The following HTR1E variants were observed in gnomAD, a reference collection of about 807,000 sequenced individuals.
The protein encoded by HTR1E is 5-HT-1E.
HTR1E carries 3 observed loss-of-function variants against 3.4 expected under a neutral mutation model. The observed-to-expected ratio is 0.89, with a 90% confidence interval of 0.41 to 2.31. The LOEUF (loss-of-function observed/expected upper bound fraction) is 2.31, where lower values mean the gene tolerates loss of function less well. Ranked by LOEUF, HTR1E falls within the 30% of genes most tolerant of loss-of-function variation. The probability of loss-of-function intolerance (pLI) is 0.05; values close to 1 mark genes in which losing one functional copy is unlikely to be tolerated. For synonymous variants in HTR1E, 170 were observed against 182.8 expected (o/e 0.93, Z 0.56); for missense variants, 392 against 467.0 (o/e 0.84, Z 1.48).
chr6:86,979,330 C>T (rs576048831), intron 1 of HTR1E, among the ~76,000 whole-genome samples: 1 of 152,220 alleles, frequency 6.6e-6, no homozygotes, highest in South Asian at 2.1e-4. Context: ...TGTGTATATA[C>T]TTTTCTGAAA....
intron 1 of HTR1E, among the ~76,000 whole-genome samples, chr6:86,955,329 C>T (rs777698422): frequency 6.6e-6 from 1 of 152,122 alleles, no homozygotes; most frequent in Admixed American, 6.5e-5. Context: ...TCAAATGAGA[C>T]GCCTGCATGC....
At position 86,943,427 on chromosome 6, in the gene HTR1E, CA is replaced by C. The variant is rs1442250040; in HGVS notation, c.-186+5605del. On this transcript the variant is annotated intron_variant, in intron 1 of 1. Coordinates refer to ENST00000305344, the MANE Select transcript of HTR1E (RefSeq NM_000865.3). ...AGGCCCAACTCTACGGACCTGGGGT[CA>C]GAAGGCCTGGGTTAATACCCCATTC... Among the ~76,000 whole-genome samples the C allele has an allele frequency of 4.6e-5, 7 of 152,182 alleles. No individual in the cohort carries two copies. The East Asian group carries it at 1.4e-3, about 29-fold the overall frequency.
chr6:86,959,794 G>C (rs1221864043), intron 1 of HTR1E, among the ~76,000 whole-genome samples: 2 of 152,086 alleles, frequency 1.3e-5, no homozygotes, highest in Admixed American at 1.3e-4. Context: ...AGTATCAGAA[G>C]ATCACTTCAT....
At chr6:87,006,735 T>G (rs1035671119) in intron 1 of HTR1E, among the ~76,000 whole-genome samples, 1 of 152,192 alleles carries the variant, frequency 6.6e-6, no homozygotes, top group Non-Finnish European at 1.5e-5. Flanking sequence ...TGGAATACTA[T>G]GCAGCCATAA....
At chr6:86,988,619 G>A (rs191634483) in intron 1 of HTR1E, among the ~76,000 whole-genome samples, 447 of 152,134 alleles carry the variant, frequency 2.9e-3, no homozygotes, top group Non-Finnish European at 4.2e-3. Context: ...ATTCCAAAGC[G>A]GAGTATTATC....
rs1339331777 is a variant in HTR1E at position 87,016,150 on chromosome 6, A to G, written c.816A>G (p.Leu272=). ...SIRIPPFDND[L]DHPGERQQIS... is the part of the protein sequence containing the mutation. ...GGATCCCCCCCTTCGACAATGATCT[A>G]GATCACCCAGGAGAACGTCAGCAGA... is the stretch of plus-strand genomic sequence containing the variant. The change falls in exon 2 of 2, where the codon CTA becomes CTG. Residue 272 remains leucine, a synonymous_variant. Transcript: ENST00000305344. 3 of 1,614,198 alleles carry G rather than the reference A, an allele frequency of 1.9e-6. 1 individual carries two copies. The highest frequency in any genetic ancestry group is 2.2e-5 in the South Asian group (2 of 91,080).
intron 1 of HTR1E, among the ~76,000 whole-genome samples, chr6:86,941,278 A>G (rs1768541317): frequency 6.6e-6 from 1 of 152,254 alleles, no homozygotes; most frequent in South Asian, 2.1e-4. Context: ...TCACTCAATC[A>G]ATTGGCATAT....
At chr6:86,998,557 G>A (rs1767975825) in intron 1 of HTR1E, among the ~76,000 whole-genome samples, 2 of 152,150 alleles carry the variant, frequency 1.3e-5, no homozygotes, top group African/African-American at 4.8e-5. Flanking sequence ...GAAATTTGTA[G>A]GATATAGCTA....
intron 1 of HTR1E, among the ~76,000 whole-genome samples, chr6:86,996,987 T>C (rs377741888): frequency 6.6e-6 from 1 of 152,024 alleles, no homozygotes; most frequent in South Asian, 2.1e-4. Context: ...ATCAAAAGAA[T>C]TCAGCAATAT....
At chr6:87,010,054 G>T (rs535021504) in intron 1 of HTR1E, among the ~76,000 whole-genome samples, 48 of 126,670 alleles carry the variant, frequency 3.8e-4, no homozygotes, top group African/African-American at 1.4e-3. Context: ...CTGGCCAGGC[G>T]GGGGGCTGAC....
At chr6:86,939,647 GATT>G (rs1768519020) in intron 1 of HTR1E, among the ~76,000 whole-genome samples, 1 of 152,200 alleles carries the variant, frequency 6.6e-6, no homozygotes, top group African/African-American at 2.4e-5. Context: ...AAACTTAGCA[GATT>G]ATTTTTATAA....
chr6:87,009,389 G>A (rs183747569), intron 1 of HTR1E, among the ~76,000 whole-genome samples: 8 of 152,146 alleles, frequency 5.3e-5, no homozygotes, highest in Admixed American at 3.3e-4. Context: ...CAAGGTCACA[G>A]ATCAACAGGA....
chr6:87,003,937 T>C (rs1415704225), intron 1 of HTR1E, among the ~76,000 whole-genome samples: 1 of 151,936 alleles, frequency 6.6e-6, no homozygotes, highest in Non-Finnish European at 1.5e-5. Flanking sequence ...TTACAACTGA[T>C]GTCAGAGAAA....
intron 1 of HTR1E, among the ~76,000 whole-genome samples, chr6:87,011,788 A>G (rs1272074113): frequency 6.6e-6 from 1 of 152,196 alleles, no homozygotes; most frequent in East Asian, 1.9e-4. Flanking sequence ...CCAAGCCCAT[A>G]GGAGATTTAT....
chr6:86,985,969 T>C (rs1767779659), intron 1 of HTR1E, among the ~76,000 whole-genome samples: 1 of 152,202 alleles, frequency 6.6e-6, no homozygotes, highest in South Asian at 2.1e-4. Flanking sequence ...CTTCTGACTT[T>C]TATCACAGAT....
chr6:87,010,058 G>T (rs1368107733), intron 1 of HTR1E, among the ~76,000 whole-genome samples: 6 of 135,316 alleles, frequency 4.4e-5, no homozygotes, highest in South Asian at 2.4e-4. Context: ...CCAGGCGGGG[G>T]GCTGACCCCC....
At chr6:86,957,449 T>C (rs1202623302) in intron 1 of HTR1E, among the ~76,000 whole-genome samples, 1 of 152,238 alleles carries the variant, frequency 6.6e-6, no homozygotes, top group Non-Finnish European at 1.5e-5. Context: ...TACCATATAT[T>C]CTAGCCAAGG....
At chr6:86,979,024 A>T (rs757212518) in intron 1 of HTR1E, among the ~76,000 whole-genome samples, 20 of 152,222 alleles carry the variant, frequency 1.3e-4, no homozygotes, top group Non-Finnish European at 1.6e-4. Context: ...GGGTTTTAGT[A>T]CCAGCTGCCA....
At chr6:87,014,003 C>T (rs1008438680) in intron 1 of HTR1E, among the ~76,000 whole-genome samples, 2 of 151,992 alleles carry the variant, frequency 1.3e-5, no homozygotes, top group African/African-American at 4.8e-5. Flanking sequence ...AGCAAACTAT[C>T]GCAAGGACAG....
Sources: gnomAD v4.1 joint callset for allele counts (sites outside exome capture counted in the v4.1 genomes callset) on GRCh38, gnomAD v4.1.1 for gene constraint, MANE v1.5 for transcripts, NCBI Gene and HGNC (gene_info 2026-07-23, HGNC 2026-07-21) for gene names.